The following MARCHF10 variants were observed in gnomAD, a reference collection of about 807,000 sequenced individuals.
The protein encoded by MARCHF10 is probable E3 ubiquitin-protein ligase MARCHF10.
A neutral mutation model predicts 76.2 loss-of-function variants in MARCHF10; 64 were observed. That is an observed-to-expected ratio of 0.84 (90% CI 0.69 to 1.03). The LOEUF (loss-of-function observed/expected upper bound fraction) is 1.03. Among genes scored for constraint, MARCHF10 ranks in the 50% least tolerant of loss-of-function variants. The pLI, the probability that MARCHF10 is intolerant of heterozygous loss-of-function variation, is 0.00. For synonymous variants in MARCHF10, 340 were observed against 357.5 expected (o/e 0.95, Z 0.55); for missense variants, 875 against 958.0 (o/e 0.91, Z 1.14).
chr17:62,736,983 G>T lies in MARCHF10; in HGVS notation c.885C>A (p.Thr295=). 1 of 1,614,042 alleles carries T rather than the reference G, an allele frequency of 6.2e-7. No individual in the cohort carries two copies. Among genetic ancestry groups the T allele is most frequent in the Non-Finnish European group, 8.5e-7 (1 of 1,179,996 alleles). The change falls in exon 6 of 11, where the codon ACC becomes ACA. Residue 295 remains threonine (T), a synonymous_variant. Transcript: ENST00000311269. The part of the protein sequence containing the change: ...RRESDDTEEE[T]QSEECLWVGV... Reference sequence around the variant, plus strand: ...CAACCCACAGACATTCTTCAGACTGGGTTTCCTCTTCAGTGTCATCGCTTT... The same window carrying T: ...CAACCCACAGACATTCTTCAGACTGTGTTTCCTCTTCAGTGTCATCGCTTT...
At chr17:62,747,500 C>G (rs931177599) in intron 4 of MARCHF10, among the ~76,000 whole-genome samples, 1 of 152,164 alleles carries the variant, frequency 6.6e-6, no homozygotes, top group Non-Finnish European at 1.5e-5. Flanking sequence ...ATCCTCTGAC[C>G]TTTGGCAACT....
chr17:62,719,267 A>C lies in MARCHF10; in HGVS notation c.2214+3221T>G, dbSNP rs145235811. On this transcript the variant is annotated intron_variant, in intron 8 of 10. Coordinates refer to ENST00000311269, the MANE Select transcript of MARCHF10 (RefSeq NM_152598.4). ...GAAATTAATTTTAACAATATAATTT[A>C]TTAACCTAATATTTTCAAATGATCA... 2.1e-3 allele frequency among the ~76,000 whole-genome samples: 319 copies of C among 152,374 alleles called. 8 individuals are homozygous for C. The East Asian group carries it at 0.053, about 25-fold the overall frequency.
chr17:62,756,339 G>C (rs1347729487), intron 4 of MARCHF10, among the ~76,000 whole-genome samples: 1 of 152,116 alleles, frequency 6.6e-6, no homozygotes, highest in Non-Finnish European at 1.5e-5. Flanking sequence ...ACAGCTACTT[G>C]GGAGGCCGGG....
intron 4 of MARCHF10, among the ~76,000 whole-genome samples, chr17:62,755,401 G>A (rs983712560): frequency 2.0e-5 from 3 of 152,132 alleles, no homozygotes; most frequent in Admixed American, 6.5e-5. Context: ...AAGGAGAGGC[G>A]GCTCCTCTCC....
intron 9 of MARCHF10, among the ~76,000 whole-genome samples, chr17:62,709,351 G>A (rs766227994): frequency 1.6e-4 from 24 of 152,140 alleles, no homozygotes; most frequent in African/African-American, 4.6e-4. Flanking sequence ...ACAATACACC[G>A]ATAATCCCAG....
At chr17:62,775,448 A>C (rs2092533687) in intron 3 of MARCHF10, among the ~76,000 whole-genome samples, 1 of 151,470 alleles carries the variant, frequency 6.6e-6, no homozygotes, top group Admixed American at 6.6e-5. Flanking sequence ...CTCATCAGAC[A>C]CAGTTTTGAA....
At chr17:62,792,829 C>CCA (rs2092884245) in intron 2 of MARCHF10, among the ~76,000 whole-genome samples, 1 of 137,932 alleles carries the variant, frequency 7.2e-6, no homozygotes, top group Non-Finnish European at 1.6e-5. Flanking sequence ...ACCACCTCCA[C>CCA]TGCCACCACC....
chr17:62,808,299 G>A lies in MARCHF10; in HGVS notation c.-240C>T, dbSNP rs2093193723. The A allele has an allele frequency of 6.6e-6, 1 of 152,336 alleles. No homozygotes were observed. The highest frequency in any genetic ancestry group is 1.5e-5 in the Non-Finnish European group (1 of 68,148). The allele number at this position is 152,336 out of a possible 1,614,324, so 9.4% of individuals were successfully genotyped here. On this transcript the variant is annotated 5_prime_UTR_variant, in exon 1 of 11. Coordinates refer to ENST00000311269, the MANE Select transcript of MARCHF10 (RefSeq NM_152598.4). ...GCCGGCCGGCCTTGCCTGGGGCGGA[G>A]GCGGTGGGGGCGGCTACCGGGCGTC... is the stretch of plus-strand genomic sequence containing the variant.
chr17:62,712,702 AGAGT>A lies in MARCHF10; in HGVS notation c.2215-1362_2215-1359del, dbSNP rs1428192805. Among the ~76,000 whole-genome samples, 1 of 152,196 alleles carries A rather than the reference AGAGT, an allele frequency of 6.6e-6. No individual in the cohort carries two copies. The highest frequency in any genetic ancestry group is 2.4e-5 in the African/African-American group (1 of 41,460). On this transcript the variant is annotated intron_variant, in intron 8 of 10. Transcript: ENST00000311269. This position sits in a 1 kb window ranked among gnomAD's most constrained non-coding sequence, Gnocchi z 4.2. ...TTTTGTGCTCTGCTGACCTTGGCCT[AGAGT>A]GAGTAGAGAAGAAGTTGCTTGTTTG... is the stretch of plus-strand genomic sequence containing the variant.
chr17:62,709,532 C>T (rs1362871642), intron 9 of MARCHF10, among the ~76,000 whole-genome samples: 1 of 151,330 alleles, frequency 6.6e-6, no homozygotes, highest in African/African-American at 2.5e-5. Context: ...CACTGGGTCT[C>T]TTCATGAGAC....
chr17:62,722,547 G>C lies in MARCHF10; in HGVS notation c.2155C>G (p.Leu719Val). ...KTCEMCKQGL[L>V]VDLGDFNMIE... Reference sequence around the variant, plus strand: ...ATGTTAAAGTCACCCAGGTCAACCAGCAGGCCTTGCTTACACATCTCACAG... The same window carrying C: ...ATGTTAAAGTCACCCAGGTCAACCACCAGGCCTTGCTTACACATCTCACAG... The change falls in exon 8 of 11, where the codon CTG (leucine) becomes GTG (valine). Residue 719 changes from leucine (L) to valine (V), a missense_variant. Physicochemically the swap from Leu to Val is conservative, Grantham distance 32 (BLOSUM62 1). Transcript: ENST00000311269. 6.2e-7 allele frequency: 1 copy of C among 1,613,986 alleles called. No homozygotes were observed. The highest frequency in any genetic ancestry group is 8.5e-7 in the Non-Finnish European group (1 of 1,179,968).
Position 62,736,763 on chromosome 17 carries a change from C to G in MARCHF10, c.1105G>C (p.Ala369Pro). 1 of 1,614,200 alleles carries G rather than the reference C, an allele frequency of 6.2e-7. No individual in the cohort carries two copies. The highest frequency in any genetic ancestry group is 8.5e-7 in the Non-Finnish European group (1 of 1,180,044). The change falls in exon 6 of 11, where the codon GCT becomes CCT. Residue 369 changes from alanine (A) to proline (P), a missense_variant. Coordinates refer to ENST00000311269, the MANE Select transcript of MARCHF10 (RefSeq NM_152598.4). Reference sequence around the variant, plus strand: ...GGGTCTTGGGACAACCTTTGCCCAGCAGAAGGCCGCTCTGTTGCTGGCTCC... The same window carrying G: ...GGGTCTTGGGACAACCTTTGCCCAGGAGAAGGCCGCTCTGTTGCTGGCTCC... ...AMEPATERPS[A>P]GQRLSQDPGL...
intron 8 of MARCHF10, chr17:62,714,373 T>C (rs2090083968): frequency 1.0e-6 from 1 of 984,622 alleles, no homozygotes; most frequent in Non-Finnish European, 1.2e-6. Context: ...TTCTGCCTGT[T>C]TCCTCAAAGC....
intron 8 of MARCHF10, among the ~76,000 whole-genome samples, chr17:62,719,691 G>A (rs1025026932): frequency 3.3e-5 from 5 of 151,908 alleles, no homozygotes; most frequent in South Asian, 2.1e-4. Flanking sequence ...CTGGATTTGT[G>A]ATTTGGTGTC....
rs555936007 is a variant in MARCHF10 at position 62,711,079 on chromosome 17, A to G, written c.2328+152T>C. The stretch of plus-strand genomic sequence containing the variant: ...TCAGCCAGAGGGTCACCATGTGTAC[A>G]CTTAGCAGCTGCTAAATCTTAGTCC... On this transcript the variant is annotated intron_variant, in intron 9 of 10. Coordinates refer to ENST00000311269, the MANE Select transcript of MARCHF10 (RefSeq NM_152598.4). This position sits in a 1 kb window ranked among gnomAD's most constrained non-coding sequence, Gnocchi z 4.4. The G allele has an allele frequency of 1.6e-6, 1 of 635,734 alleles. No homozygotes were observed. The highest frequency in any genetic ancestry group is 1.8e-5 in the African/African-American group (1 of 55,084). 39.4% of individuals were successfully genotyped at this position (635,734 alleles called of 1,614,324 possible). A position where few individuals can be genotyped will look rare whatever the true frequency, so the allele number is the denominator to read the frequency against.
At chr17:62,720,900 C>T (rs1395687296) in intron 8 of MARCHF10, among the ~76,000 whole-genome samples, 2 of 129,860 alleles carry the variant, frequency 1.5e-5, no homozygotes, top group Non-Finnish European at 3.1e-5. Flanking sequence ...TGGAGTCTCA[C>T]TCTGTCGCCC....
At chr17:62,724,186 ATTTT>A (rs11462196) in intron 7 of MARCHF10, among the ~76,000 whole-genome samples, 2 of 138,286 alleles carry the variant, frequency 1.4e-5, no homozygotes, top group Non-Finnish European at 3.1e-5. Context: ...TGTTCCATGC[ATTTT>A]TTTTTTTTTT....
rs2089233687 is a variant in MARCHF10, at chr17:62,701,547, C to G, written c.*156G>C. On this transcript the variant is annotated 3_prime_UTR_variant, in exon 11 of 11. Transcript: ENST00000311269. ...CTGTGGCTGCCCATAGATGCTCAAG[C>G]CAGACCCCAAAAGAGAGTGGCACGA... is the stretch of plus-strand genomic sequence containing the variant. The G allele has an allele frequency of 6.6e-7, 1 of 1,521,984 alleles. No individual in the cohort carries two copies. Among genetic ancestry groups the G allele is most frequent in the Non-Finnish European group, 8.8e-7 (1 of 1,131,908 alleles). 94.3% of individuals were successfully genotyped at this position (1,521,984 alleles called of 1,614,324 possible). A position where few individuals can be genotyped will look rare whatever the true frequency, so the allele number is the denominator to read the frequency against.
intron 9 of MARCHF10, among the ~76,000 whole-genome samples, chr17:62,707,204 A>G (rs2089646060): frequency 6.6e-6 from 1 of 152,178 alleles, no homozygotes; most frequent in Admixed American, 6.5e-5. Flanking sequence ...CTGGCCTGCC[A>G]ATCCCAGGCT....
Sources: gnomAD v4.1 joint callset for allele counts (sites outside exome capture counted in the v4.1 genomes callset) on GRCh38, gnomAD v4.1.1 for gene constraint, Gnocchi (gnomAD v3.1) non-coding constraint, MANE v1.5 for transcripts, NCBI Gene and HGNC (gene_info 2026-07-23, HGNC 2026-07-21) for gene names.